AGBL4: variants seen among roughly 807,000 people sequenced by gnomAD.
The protein encoded by AGBL4 is cytosolic carboxypeptidase 6.
Under a neutral mutation model 66.4 loss-of-function variants are expected in AGBL4, and 58 were observed. That is an observed-to-expected ratio of 0.87 (90% CI 0.71 to 1.09). AGBL4 has a LOEUF of 1.09. AGBL4 is among the 50% of genes least tolerant of loss of function. AGBL4 has a pLI of 0.00. For synonymous variants in AGBL4, 234 were observed against 222.9 expected (o/e 1.05, Z -0.44); for missense variants, 579 against 631.0 (o/e 0.92, Z 0.88).
intron 3 of AGBL4, among the ~76,000 whole-genome samples, chr1:49,389,467 C>T (rs1644802878): frequency 6.6e-6 from 1 of 152,108 alleles, no homozygotes; most frequent in Non-Finnish European, 1.5e-5. Context: ...TGAGGCTTGA[C>T]TTGAGAAGTC....
intron 3 of AGBL4, among the ~76,000 whole-genome samples, chr1:49,257,716 C>T (rs1652667851): frequency 6.6e-6 from 1 of 152,240 alleles, no homozygotes; most frequent in South Asian, 2.1e-4. Context: ...GTGAGATGAA[C>T]CCGGTACCTC....
intron 1 of AGBL4, among the ~76,000 whole-genome samples, chr1:49,950,340 G>A (rs919516757): frequency 6.6e-6 from 1 of 151,150 alleles, no homozygotes; most frequent in African/African-American, 2.4e-5. Flanking sequence ...TCATAATTGG[G>A]AGCTAAGCTA....
chr1:49,931,152 A>G (rs1409652374), intron 1 of AGBL4, among the ~76,000 whole-genome samples: 1 of 152,208 alleles, frequency 6.6e-6, no homozygotes, highest in African/African-American at 2.4e-5. Context: ...TACTTCTTAC[A>G]ATAGTGTATA....
At chr1:49,617,371 C>A (rs928056668) in intron 3 of AGBL4, among the ~76,000 whole-genome samples, 1 of 152,142 alleles carries the variant, frequency 6.6e-6, no homozygotes, top group Non-Finnish European at 1.5e-5. Flanking sequence ...AAAGTGTAAT[C>A]TCCATCCCTA....
At chr1:49,845,579 A>G in intron 2 of AGBL4, 1 of 1,604,506 alleles carries the variant, frequency 6.2e-7, no homozygotes, top group Non-Finnish European at 8.5e-7. Context: ...GAGAAGCCCT[A>G]CGAGTGCCAT....
intron 3 of AGBL4, among the ~76,000 whole-genome samples, chr1:49,435,565 AT>A (rs1645886645): frequency 6.6e-6 from 1 of 152,202 alleles, no homozygotes; most frequent in Non-Finnish European, 1.5e-5. Context: ...GAAGAGAAAC[AT>A]GTCAGAAGTC....
At chr1:48,637,231 A>T (rs1168445921) in intron 8 of AGBL4, among the ~76,000 whole-genome samples, 1 of 152,160 alleles carries the variant, frequency 6.6e-6, no homozygotes, top group Non-Finnish European at 1.5e-5. Flanking sequence ...GACATGGACT[A>T]ATAGTTTTGC....
At chr1:49,789,820 G>C (rs542187931) in intron 2 of AGBL4, among the ~76,000 whole-genome samples, 2 of 152,210 alleles carry the variant, frequency 1.3e-5, no homozygotes, top group East Asian at 3.9e-4. Context: ...CACAGAATTA[G>C]AAAATACTAC....
At chr1:48,634,019 T>C (rs1302745548) in intron 9 of AGBL4, among the ~76,000 whole-genome samples, 2 of 152,212 alleles carry the variant, frequency 1.3e-5, no homozygotes, top group East Asian at 3.9e-4. Flanking sequence ...CACAATCCTT[T>C]TGGAACTGGA....
chr1:49,835,253 T>A (rs1645815602), intron 2 of AGBL4, among the ~76,000 whole-genome samples: 1 of 152,206 alleles, frequency 6.6e-6, no homozygotes. Flanking sequence ...ATCTGGGTGC[T>A]CCTATATTGG....
chr1:48,786,497 T>G (rs1645410219), intron 6 of AGBL4, among the ~76,000 whole-genome samples: 2 of 152,184 alleles, frequency 1.3e-5, no homozygotes, highest in South Asian at 4.1e-4. Flanking sequence ...CCCTGTTCCC[T>G]TTTTCCTAGA....
intron 4 of AGBL4, among the ~76,000 whole-genome samples, chr1:49,196,685 C>G (rs987882099): frequency 1.3e-5 from 2 of 151,256 alleles, no homozygotes. Flanking sequence ...TTTGTCATAA[C>G]TGAAGAAATC....
At chr1:48,797,827 G>A (rs544224864) in intron 6 of AGBL4, among the ~76,000 whole-genome samples, 18 of 152,150 alleles carry the variant, frequency 1.2e-4, no homozygotes, top group South Asian at 6.2e-4. Context: ...GATTACAGGC[G>A]TGAGCCACTG....
chr1:49,751,763 T>C (rs1347645054), intron 2 of AGBL4, among the ~76,000 whole-genome samples: 1 of 152,204 alleles, frequency 6.6e-6, no homozygotes, highest in African/African-American at 2.4e-5. Flanking sequence ...TCAGAAATTA[T>C]TGGTCTATTC....
chr1:49,489,641 T>A (rs1276609366), intron 3 of AGBL4, among the ~76,000 whole-genome samples: 1 of 151,902 alleles, frequency 6.6e-6, no homozygotes, highest in African/African-American at 2.4e-5. Flanking sequence ...TTCTTCAATG[T>A]TCCTTGTAGC....
intron 5 of AGBL4, among the ~76,000 whole-genome samples, chr1:48,925,112 T>G (rs1318241726): frequency 6.6e-6 from 1 of 151,268 alleles, no homozygotes; most frequent in Non-Finnish European, 1.5e-5. Flanking sequence ...AGTCAAACCA[T>G]TGTAAGCTGA....
At chr1:49,516,282 G>A (rs1446038220) in intron 3 of AGBL4, among the ~76,000 whole-genome samples, 4 of 151,970 alleles carry the variant, frequency 2.6e-5, no homozygotes, top group African/African-American at 9.7e-5. Flanking sequence ...ATAAAGGAAA[G>A]TCCAAGGTGC....
intron 1 of AGBL4, among the ~76,000 whole-genome samples, chr1:49,936,709 A>C (rs1226453637): frequency 1.3e-5 from 2 of 152,218 alleles, no homozygotes; most frequent in Non-Finnish European, 1.5e-5. Context: ...AAGAATTTTC[A>C]ACCCAGAATT....
At chr1:49,391,427 C>T (rs1644842623) in intron 3 of AGBL4, among the ~76,000 whole-genome samples, 1 of 152,002 alleles carries the variant, frequency 6.6e-6, no homozygotes, top group African/African-American at 2.4e-5. Flanking sequence ...ATCCAAAGAG[C>T]TAATGATGGC....
Sources: allele counts gnomAD v4.1 joint callset (sites outside exome capture counted in the v4.1 genomes callset), GRCh38; gene constraint gnomAD v4.1.1; transcripts MANE v1.5; gene names NCBI Gene and HGNC (gene_info 2026-07-23, HGNC 2026-07-21).